The following PRKCA variants were observed in gnomAD, a reference collection of about 807,000 sequenced individuals.
PRKCA encodes the protein protein kinase C alpha type.
Under a neutral mutation model 87.0 loss-of-function variants are expected in PRKCA, and 27 were observed. The ratio of observed to expected loss-of-function variants is 0.31; its 90% CI spans 0.23 to 0.43. The LOEUF is 0.43. Ranked by LOEUF, PRKCA falls within the 20% of genes least tolerant of loss-of-function variation. PRKCA has a pLI of 1.00. For synonymous variants in PRKCA, 329 were observed against 311.1 expected, an observed-to-expected ratio of 1.06 and a Z score of -0.61; for missense variants, 518 against 852.3, an observed-to-expected ratio of 0.61 and a Z score of 4.88.
chr17:66,627,917 T>C (rs2143729507), intron 3 of PRKCA, among the ~76,000 whole-genome samples: 1 of 152,316 alleles, frequency 6.6e-6, no homozygotes, highest in African/African-American at 2.4e-5. Flanking sequence ...AATGGCTTGC[T>C]ACAATCGAAG....
In PRKCA at chr17:66,424,568, A is replaced by AAACACACACACACACACACACACACAC. The variant is rs1555602396; in HGVS notation, c.206-71632_206-71631insACACACACACACACACACACACACACA. On this transcript the variant is annotated intron_variant, in intron 2 of 16. Transcript: ENST00000413366. Reference sequence around the variant, plus strand: ...GGCAGCAGAGCACGACCCTGTCTCAAACACACACACACACACACACACACA... The same window carrying AAACACACACACACACACACACACACAC: ...GGCAGCAGAGCACGACCCTGTCTCAAAACACACACACACACACACACACACACACACACACACACACACACACACACA... Among the ~76,000 whole-genome samples the AAACACACACACACACACACACACACAC allele has an allele frequency of 3.7e-4, 53 of 142,058 alleles. 1 individual carries two copies. Among genetic ancestry groups the AAACACACACACACACACACACACACAC allele is most frequent in the African/African-American group, 1.0e-3 (39 of 37,594 alleles). 93.2% of individuals were successfully genotyped at this position (142,058 alleles called of 152,430 possible).
At chr17:66,433,603 G>C (rs972214588) in intron 2 of PRKCA, among the ~76,000 whole-genome samples, 2 of 152,054 alleles carry the variant, frequency 1.3e-5, no homozygotes, top group Non-Finnish European at 2.9e-5. Flanking sequence ...GGAGTGCAGT[G>C]GTGTTCTCTC....
chr17:66,587,289 G>A (rs764449020), intron 3 of PRKCA, among the ~76,000 whole-genome samples: 3 of 152,146 alleles, frequency 2.0e-5, no homozygotes, highest in Non-Finnish European at 2.9e-5. Context: ...CAAAGTTGAT[G>A]TGCAGTGTTA....
intron 4 of PRKCA, among the ~76,000 whole-genome samples, chr17:66,643,719 G>T (rs558296761): frequency 4.6e-5 from 7 of 152,290 alleles, no homozygotes; most frequent in African/African-American, 1.7e-4. Context: ...AGAGCAAGCC[G>T]ATGAGCACCA....
intron 16 of PRKCA, among the ~76,000 whole-genome samples, chr17:66,796,035 A>G (rs544691252): frequency 2.1e-3 from 326 of 152,326 alleles, no homozygotes; most frequent in African/African-American, 7.5e-3. Flanking sequence ...AGTACTGTTT[A>G]ATTTTGTCAG....
chr17:66,694,613 C>G (rs1334756338), intron 8 of PRKCA, among the ~76,000 whole-genome samples: 2 of 150,922 alleles, frequency 1.3e-5, no homozygotes, highest in African/African-American at 2.4e-5. Flanking sequence ...AGAAACGTCA[C>G]AGTTGATTGA....
At position 66,394,019 on chromosome 17, in the gene PRKCA, G is replaced by C. The variant is rs547244595; in HGVS notation, c.205+87892G>C. 7.2e-4 allele frequency among the ~76,000 whole-genome samples: 109 copies of C among 152,010 alleles called. 1 individual carries two copies. Among genetic ancestry groups the C allele is most frequent in the Admixed American group, 1.3e-3 (20 of 15,248 alleles). ...GAACCTGGGAGGCGGAGGTTGCAGT[G>C]AACTGAGATCACACCACCCCATTCC... On this transcript the variant is annotated intron_variant, in intron 2 of 16. Coordinates refer to ENST00000413366, the MANE Select transcript of PRKCA (RefSeq NM_002737.3).
chr17:66,408,967 G>A (rs946779996), intron 2 of PRKCA, among the ~76,000 whole-genome samples: 1 of 137,322 alleles, frequency 7.3e-6, no homozygotes, highest in Non-Finnish European at 1.5e-5. Flanking sequence ...CAGGAGAATC[G>A]CTTGAACCCG....
Position 66,720,529 on chromosome 17 carries a change from A to G in PRKCA, c.919-12159A>G, listed in dbSNP as rs559065051. Among the ~76,000 whole-genome samples, 44 of 152,330 alleles carry G rather than the reference A, an allele frequency of 2.9e-4. No homozygotes were observed. In the South Asian group the frequency reaches 9.1e-3, roughly 32 times the overall value. On this transcript the variant is annotated intron_variant, in intron 8 of 16. Transcript: ENST00000413366. ...CCTTTGTGGCTTTCTGCTTCGAAAC[A>G]CTTGATCTCTCTTAACTAACGTTGC... is the stretch of plus-strand genomic sequence containing the variant.
At chr17:66,697,255 A>G (rs1020129338) in intron 8 of PRKCA, among the ~76,000 whole-genome samples, 3 of 152,230 alleles carry the variant, frequency 2.0e-5, no homozygotes, top group African/African-American at 7.2e-5. Flanking sequence ...GAGCCACACT[A>G]TCCCAATAGA....
At chr17:66,335,052 A>G (rs961071938) in intron 2 of PRKCA, among the ~76,000 whole-genome samples, 3 of 152,204 alleles carry the variant, frequency 2.0e-5, no homozygotes, top group Admixed American at 6.5e-5. Flanking sequence ...TTTCATGTAT[A>G]ACTTCTCAAA....
intron 3 of PRKCA, among the ~76,000 whole-genome samples, chr17:66,504,784 A>G (rs1484411943): frequency 6.6e-6 from 1 of 152,180 alleles, no homozygotes; most frequent in East Asian, 1.9e-4. Context: ...AAATAAGTCC[A>G]TCAGTGTTTT....
chr17:66,671,899 A>G (rs190897698), intron 5 of PRKCA, among the ~76,000 whole-genome samples: 144 of 152,332 alleles, frequency 9.5e-4, no homozygotes, highest in African/African-American at 2.1e-3. Flanking sequence ...CACACAGACC[A>G]ATGGGAAAGA....
intron 8 of PRKCA, among the ~76,000 whole-genome samples, chr17:66,726,820 G>C (rs1250757839): frequency 6.6e-6 from 1 of 152,048 alleles, no homozygotes; most frequent in Non-Finnish European, 1.5e-5. Flanking sequence ...CGCCTCCTGG[G>C]TTTAAGCGAT....
intron 8 of PRKCA, among the ~76,000 whole-genome samples, chr17:66,691,923 GT>G (rs1479947490): frequency 6.6e-6 from 1 of 152,182 alleles, no homozygotes; most frequent in Non-Finnish European, 1.5e-5. Flanking sequence ...TAAACTTCCT[GT>G]TTTTCTGGGC....
chr17:66,731,772 TTTC>T (rs1973900251), intron 8 of PRKCA, among the ~76,000 whole-genome samples: 3 of 133,094 alleles, frequency 2.3e-5, no homozygotes, highest in Non-Finnish European at 3.1e-5. Flanking sequence ...TTGTGCTCCC[TTTC>T]TTTTTTTTTT....
At chr17:66,400,100 GTTT>G (rs1050978050) in intron 2 of PRKCA, among the ~76,000 whole-genome samples, 2 of 152,104 alleles carry the variant, frequency 1.3e-5, no homozygotes, top group African/African-American at 4.8e-5. Context: ...TAAAATTACA[GTTT>G]TAACCACTTG....
In PRKCA at chr17:66,326,915, A is replaced by C. The variant is rs182934669; in HGVS notation, c.205+20788A>C. Among the ~76,000 whole-genome samples, 3 of 152,294 alleles carry C rather than the reference A, an allele frequency of 2.0e-5. No individual in the cohort carries two copies. In the East Asian group the frequency reaches 5.8e-4, roughly 29 times the overall value. The stretch of plus-strand genomic sequence containing the variant: ...TTTACTTTTAATAATGGATTCATGT[A>C]AAAATCACCAGGCATGGTGGCAGAC... On this transcript the variant is annotated intron_variant, in intron 2 of 16. Coordinates refer to ENST00000413366, the MANE Select transcript of PRKCA (RefSeq NM_002737.3).
chr17:66,686,761 G>A (rs558161316), intron 5 of PRKCA, among the ~76,000 whole-genome samples: 1 of 152,260 alleles, frequency 6.6e-6, no homozygotes, highest in East Asian at 1.9e-4. Context: ...GAGCTGCAAA[G>A]GTCACCTGGG....
Sources: gnomAD v4.1 joint callset for allele counts (sites outside exome capture counted in the v4.1 genomes callset) on GRCh38, gnomAD v4.1.1 for gene constraint, MANE v1.5 for transcripts, NCBI Gene and HGNC (gene_info 2026-07-23, HGNC 2026-07-21) for gene names.